The following CLTRN variants were observed in gnomAD, a reference collection of about 807,000 sequenced individuals.
CLTRN encodes the protein collectrin, amino acid transport regulator.
Under a neutral mutation model 14.5 loss-of-function variants are expected in CLTRN, and 12 were observed. The observed-to-expected ratio is 0.83, with a 90% CI of 0.53 to 1.34. CLTRN has a LOEUF of 1.34. Ranked by LOEUF, CLTRN falls within the 40% of genes most tolerant of loss-of-function variation. CLTRN has a pLI of 0.00. For missense variants in CLTRN, 154 were observed against 165.1 expected, an observed-to-expected ratio of 0.93 and a Z score of 0.37; for synonymous variants, 58 against 56.5, an observed-to-expected ratio of 1.03 and a Z score of -0.12.
chrX:15,671,844 GCACACACACACACACACACACA>G (rs199900262), intron 1 of CLTRN, among the ~76,000 whole-genome samples: 2 of 90,030 alleles, frequency 2.2e-5, no homozygotes, highest in African/African-American at 4.0e-5. Flanking sequence ...TTTTATGCGC[GCACACACACACACACACACACA>G]CACACACACA....
upstream of CLTRN, chrX:15,664,882 A>G: frequency 4.5e-6 from 3 of 670,405 alleles, no homozygotes; most frequent in South Asian, 2.6e-5. Context: ...CAGAGAAACA[A>G]GCGAGCCACC....
chrX:15,629,386 A>G (rs1278829028), intron 5 of CLTRN, among the ~76,000 whole-genome samples: 1 of 110,785 alleles, frequency 9.0e-6, no homozygotes, highest in East Asian at 2.8e-4. Flanking sequence ...TTTAAAGGAT[A>G]TGGTGCACAT....
intron 1 of CLTRN, among the ~76,000 whole-genome samples, chrX:15,672,800 T>C (rs1453693800): frequency 8.9e-6 from 1 of 112,103 alleles, no homozygotes; most frequent in East Asian, 2.8e-4. Context: ...TTTTTATCTA[T>C]TTCAGAACTT....
intron 5 of CLTRN, among the ~76,000 whole-genome samples, chrX:15,631,487 C>T (rs765662322): frequency 1.2e-4 from 13 of 112,001 alleles, no homozygotes; most frequent in Non-Finnish European, 1.5e-4. Flanking sequence ...AAGAGCTAGA[C>T]GTATGTGATG....
At chrX:15,628,690 T>C (rs916366741) in intron 5 of CLTRN, among the ~76,000 whole-genome samples, 8 of 112,260 alleles carry the variant, frequency 7.1e-5, no homozygotes, top group African/African-American at 2.3e-4. Context: ...ACTTCAAATA[T>C]TGCTGCTTGG....
chrX:15,659,213 C>CAT (rs1435589344), intron 2 of CLTRN, 112 bp from the exon 3 acceptor site: 3 of 314,711 alleles, frequency 9.5e-6, no homozygotes, highest in Middle Eastern at 1.5e-3. Context: ...CACACACACA[C>CAT]GCACACACAC....
At chrX:15,664,951 C>T (rs898301700), upstream of CLTRN, 3 of 424,899 alleles carry the variant, frequency 7.1e-6, no homozygotes, top group Non-Finnish European at 1.2e-5. Context: ...ATAAAAACAG[C>T]CCATCTCCTG....
chrX:15,655,481 C>T (rs1929333113), intron 3 of CLTRN, among the ~76,000 whole-genome samples: 1 of 112,286 alleles, frequency 8.9e-6, no homozygotes, highest in Admixed American at 9.4e-5. Context: ...CACCTCCAGC[C>T]TCACTCTGCT....
upstream of CLTRN, among the ~76,000 whole-genome samples, chrX:15,668,890 T>A (rs1929669346): frequency 8.9e-6 from 1 of 112,093 alleles, no homozygotes; most frequent in South Asian, 3.6e-4. Context: ...CTGTTAAGAT[T>A]TTCTAGTATC....
intron 3 of CLTRN, among the ~76,000 whole-genome samples, chrX:15,655,476 C>G (rs1267324031): frequency 5.3e-5 from 6 of 112,237 alleles, no homozygotes; most frequent in African/African-American, 1.9e-4. Context: ...GTGTACACCT[C>G]CAGCCTCACT....
At chrX:15,628,793 A>G (rs1928623751) in intron 5 of CLTRN, among the ~76,000 whole-genome samples, 1 of 112,231 alleles carries the variant, frequency 8.9e-6, no homozygotes, top group Non-Finnish European at 1.9e-5. Flanking sequence ...ACTTGTAGTT[A>G]TAATTCCAGG....
At chrX:15,648,896 ATAAAT>A (rs1929153994) in intron 3 of CLTRN, among the ~76,000 whole-genome samples, 1 of 112,397 alleles carries the variant, frequency 8.9e-6, no homozygotes, top group Non-Finnish European at 1.9e-5. Context: ...TAACATTTAT[ATAAAT>A]TAAACAAATA....
intron 3 of CLTRN, chrX:15,646,390 A>G: frequency 3.4e-6 from 1 of 291,676 alleles, no homozygotes; most frequent in Non-Finnish European, 6.8e-6. Context: ...GGCCCAACCC[A>G]CTGCCCTGCT....
chrX:15,636,616 T>C (rs1928824915), intron 5 of CLTRN, among the ~76,000 whole-genome samples: 1 of 111,455 alleles, frequency 9.0e-6, no homozygotes. Context: ...TCCCAAGCAA[T>C]GAGTTGGTGA....
intron 2 of CLTRN, among the ~76,000 whole-genome samples, chrX:15,660,641 CAAAAAAA>C (rs766646397): frequency 2.3e-5 from 2 of 86,132 alleles, no homozygotes; most frequent in African/African-American, 8.6e-5. Context: ...CCATCTCTAC[CAAAAAAA>C]AAAAAAAAAT....
intron 3 of CLTRN, among the ~76,000 whole-genome samples, chrX:15,654,720 GATCT>G (rs1477621289): frequency 3.6e-5 from 4 of 112,638 alleles, no homozygotes; most frequent in Non-Finnish European, 7.5e-5. Flanking sequence ...TGTCACATTT[GATCT>G]ATCTTTCTAC....
At chrX:15,661,404 A>G (rs1929503364) in intron 2 of CLTRN, among the ~76,000 whole-genome samples, 2 of 111,950 alleles carry the variant, frequency 1.8e-5, no homozygotes, top group African/African-American at 6.5e-5. Flanking sequence ...CAAAGGTCCA[A>G]GCTACTTAGA....
intron 4 of CLTRN, among the ~76,000 whole-genome samples, chrX:15,641,558 A>G: frequency 9.1e-6 from 1 of 110,229 alleles, no homozygotes; most frequent in East Asian, 2.8e-4. Flanking sequence ...TTGCAGCCTC[A>G]AACTCCTGGG....
At position 15,658,741 on chromosome X, in the gene CLTRN, C is replaced by CAT. The variant is rs1569254460; in HGVS notation, c.203+274_203+275insAT. ...ATATATATATATATATATACACACA[C>CAT]ACACACAATAGAAATGTAGAAAGCT... On this transcript the variant is annotated intron_variant, in intron 3 of 5. Transcript: ENST00000380342. 2.0e-4 allele frequency among the ~76,000 whole-genome samples: 21 copies of CAT among 107,319 alleles called. No individual in the cohort carries two copies. In the East Asian group the frequency reaches 3.8e-3, roughly 19 times the overall value. 93.2% of individuals were successfully genotyped at this position (107,319 alleles called of 115,157 possible). A position where few individuals can be genotyped will look rare whatever the true frequency, so the allele number is the denominator to read the frequency against.
Sources: gnomAD v4.1 joint callset for allele counts (sites outside exome capture counted in the v4.1 genomes callset) on GRCh38, gnomAD v4.1.1 for gene constraint, MANE v1.5 for transcripts, NCBI Gene and HGNC (gene_info 2026-07-23, HGNC 2026-07-21) for gene names.